Variants in GRIA3 observed in about 807,000 individuals in gnomAD.
The protein encoded by GRIA3 is glutamate ionotropic receptor AMPA type subunit 3.
A neutral mutation model predicts 63.0 loss-of-function variants in GRIA3; 3 were observed. The observed-to-expected ratio is 0.05, with a 90% CI of 0.02 to 0.12. The LOEUF (loss-of-function observed/expected upper bound fraction) is 0.12, where lower values mean the gene tolerates loss of function less well. GRIA3 is among the 10% of genes least tolerant of loss of function. The pLI is 1.00. For missense variants in GRIA3, 347 were observed against 700.9 expected (o/e 0.50, Z 5.70); for synonymous variants, 274 against 257.9 (o/e 1.06, Z -0.60).
chrX:123,213,981 C>T lies in GRIA3; in HGVS notation c.268+27991C>T, dbSNP rs781366728. ...TAATAGCCTACCCAAACAGAAACAC[C>T]CCATCAGCATTTCTCATTGGAATCC... is the stretch of plus-strand genomic sequence containing the variant. On this transcript the variant is annotated intron_variant, in intron 2 of 15. Transcript: ENST00000620443. Among the ~76,000 whole-genome samples the T allele has an allele frequency of 1.3e-4, 14 of 111,889 alleles. No homozygotes were observed. The East Asian group carries it at 3.4e-3, about 27-fold the overall frequency.
Position 123,395,048 on chromosome X carries a change from C to T in GRIA3, c.831C>T (p.Asn277=). The change falls in exon 6 of 16, where the codon AAC becomes AAT. Residue 277 remains asparagine, a synonymous_variant. Transcript: ENST00000620443. The stretch of plus-strand genomic sequence containing the variant: ...GTTTCCAGATTGTCAACAATGAAAA[C>T]CCTATGGTTCAGCAGTTCATACAGC... ...ITGFQIVNNE[N]PMVQQFIQRW... 8.3e-7 allele frequency: 1 copy of T among 1,202,008 alleles called. No homozygotes were observed. The highest frequency in any genetic ancestry group is 1.7e-5 in the African/African-American group (1 of 57,569).
At chrX:123,461,700 T>C (rs1257661841) in intron 12 of GRIA3, among the ~76,000 whole-genome samples, 2 of 110,983 alleles carry the variant, frequency 1.8e-5, no homozygotes, top group African/African-American at 3.3e-5. Context: ...TTTGGAAGAA[T>C]CACTAGAGGA....
chrX:123,287,236 A>G (rs967831334), intron 3 of GRIA3, among the ~76,000 whole-genome samples: 2 of 111,896 alleles, frequency 1.8e-5, no homozygotes, highest in African/African-American at 6.5e-5. Flanking sequence ...AAAAACTCTC[A>G]ATAAACTAGG....
chrX:123,263,005 G>A (rs974029710), intron 3 of GRIA3, among the ~76,000 whole-genome samples: 1 of 111,809 alleles, frequency 8.9e-6, no homozygotes, highest in Non-Finnish European at 1.9e-5. Context: ...TAAATGGAAA[G>A]CAATTACAGG....
At chrX:123,386,728 T>C (rs1422386014) in intron 5 of GRIA3, among the ~76,000 whole-genome samples, 1 of 111,916 alleles carries the variant, frequency 8.9e-6, no homozygotes, top group Non-Finnish European at 1.9e-5. Context: ...CTTTCCCCAG[T>C]GTATGTCCTT....
At chrX:123,286,126 G>A (rs182065326) in intron 3 of GRIA3, among the ~76,000 whole-genome samples, 29 of 111,710 alleles carry the variant, frequency 2.6e-4, no homozygotes, top group Non-Finnish European at 5.3e-4. Context: ...ACTCAAAACT[G>A]CGCGACTACC....
chrX:123,305,531 A>G (rs1428888696), intron 3 of GRIA3, among the ~76,000 whole-genome samples: 3 of 112,423 alleles, frequency 2.7e-5, no homozygotes, highest in African/African-American at 3.2e-5. Flanking sequence ...TCCTTGTCCA[A>G]TTATAAGGGA....
At chrX:123,300,205 T>G (rs928866216) in intron 3 of GRIA3, among the ~76,000 whole-genome samples, 1 of 109,929 alleles carries the variant, frequency 9.1e-6, no homozygotes, top group African/African-American at 3.3e-5. Context: ...GTTGTGTCGT[T>G]ACCAGGATTT....
intron 12 of GRIA3, among the ~76,000 whole-genome samples, chrX:123,457,576 G>A (rs1437969519): frequency 1.8e-5 from 2 of 111,999 alleles, no homozygotes; most frequent in Non-Finnish European, 1.9e-5. Context: ...TATCTTCCCC[G>A]ACCTCTCCTT....
intron 12 of GRIA3, among the ~76,000 whole-genome samples, chrX:123,451,515 A>T (rs1272967097): frequency 2.0e-4 from 19 of 93,374 alleles, no homozygotes; most frequent in African/African-American, 9.0e-4. Context: ...TAAAAAAAAA[A>T]AAAAAAAAAA....
intron 2 of GRIA3, among the ~76,000 whole-genome samples, chrX:123,243,870 T>C (rs894256493): frequency 1.8e-5 from 2 of 111,639 alleles, no homozygotes; most frequent in Non-Finnish European, 3.8e-5. Context: ...CTTAACCATA[T>C]TATCTCGATA....
At chrX:123,378,022 T>A (rs1264374418) in intron 5 of GRIA3, among the ~76,000 whole-genome samples, 1 of 112,002 alleles carries the variant, frequency 8.9e-6, no homozygotes, top group African/African-American at 3.2e-5. Context: ...TGATCCTCAG[T>A]CTCCCTATTT....
At chrX:123,222,065 G>T (rs1236591220) in intron 2 of GRIA3, among the ~76,000 whole-genome samples, 1 of 111,351 alleles carries the variant, frequency 9.0e-6, no homozygotes, top group South Asian at 3.8e-4. Flanking sequence ...TCAATAAGGG[G>T]AGACTATGTG....
At position 123,273,376 on chromosome X, in the gene GRIA3, C is replaced by T. The variant is rs747133244; in HGVS notation, c.508+19834C>T. ...ATACATAGAGTGTTTCCATTCACTC[C>T]TCACAACAATCAGATGAGAATTGAC... On this transcript the variant is annotated intron_variant, in intron 3 of 15. Transcript: ENST00000620443. Among the ~76,000 whole-genome samples the T allele has an allele frequency of 2.5e-4, 28 of 111,875 alleles. No homozygotes were observed. In the South Asian group the frequency reaches 0.011, roughly 42 times the overall value.
chrX:123,419,038 T>C (rs756147724), intron 11 of GRIA3, among the ~76,000 whole-genome samples: 3 of 112,179 alleles, frequency 2.7e-5, no homozygotes, highest in African/African-American at 6.5e-5. Flanking sequence ...ATATTTTATA[T>C]CTATATAGTG....
chrX:123,299,887 T>G (rs1258555188), intron 3 of GRIA3, among the ~76,000 whole-genome samples: 14 of 104,754 alleles, frequency 1.3e-4, no homozygotes, highest in Admixed American at 7.4e-4. Flanking sequence ...GACTTACTAT[T>G]TTGAGGTATG....
At chrX:123,464,731 A>T in intron 12 of GRIA3, 134 bp from the exon 13 acceptor site, 2 of 536,404 alleles carry the variant, frequency 3.7e-6, no homozygotes, top group Admixed American at 5.9e-5. Flanking sequence ...GTATGTATGA[A>T]CGTGCCTACT....
intron 2 of GRIA3, chrX:123,202,703 G>A (rs942422932): frequency 3.1e-5 from 36 of 1,164,744 alleles, no homozygotes; most frequent in African/African-American, 5.4e-5. Flanking sequence ...CAGCTCTGCC[G>A]TGCTGCAAAG....
At chrX:123,424,254 T>G (rs2045579034) in intron 11 of GRIA3, among the ~76,000 whole-genome samples, 2 of 112,050 alleles carry the variant, frequency 1.8e-5, no homozygotes, top group Admixed American at 1.9e-4. Context: ...TAAAATGTGA[T>G]GGGATTGACC....
Sources: gnomAD v4.1 joint callset for allele counts (sites outside exome capture counted in the v4.1 genomes callset) on GRCh38, gnomAD v4.1.1 for gene constraint, MANE v1.5 for transcripts, NCBI Gene and HGNC (gene_info 2026-07-23, HGNC 2026-07-21) for gene names.